The following VPS8 variants were observed in gnomAD, a reference collection of about 807,000 sequenced individuals.
The protein encoded by VPS8 is VPS8 subunit of CORVET complex, also known as vacuolar protein sorting-associated protein 8 homolog.
A neutral mutation model predicts 216.4 loss-of-function variants in VPS8; 129 were observed. That is an observed-to-expected ratio of 0.60 (90% CI 0.52 to 0.69). The LOEUF is 0.69. VPS8 is among the 30% of genes least tolerant of loss of function. The probability of loss-of-function intolerance (pLI) is 0.00; values close to 1 mark genes in which losing one functional copy is unlikely to be tolerated. For synonymous variants in VPS8, 571 were observed against 565.4 expected, an observed-to-expected ratio of 1.01 and a Z score of -0.14; for missense variants, 1,531 against 1,683.5, an observed-to-expected ratio of 0.91 and a Z score of 1.59.
chr3:184,903,634 G>A (rs1734976303), intron 25 of VPS8, among the ~76,000 whole-genome samples: 1 of 151,760 alleles, frequency 6.6e-6, no homozygotes. Flanking sequence ...AAATTCTCAA[G>A]ACAGGGTCTT....
chr3:184,965,618 C>G (rs992065893), intron 38 of VPS8, among the ~76,000 whole-genome samples: 1 of 152,132 alleles, frequency 6.6e-6, no homozygotes, highest in Admixed American at 6.5e-5. Flanking sequence ...GTTGGACACG[C>G]TAAAGAATTG....
At chr3:185,040,931 G>A (rs570543646) in intron 46 of VPS8, among the ~76,000 whole-genome samples, 2 of 152,216 alleles carry the variant, frequency 1.3e-5, no homozygotes, top group Non-Finnish European at 2.9e-5. Context: ...GGCCAGGCGC[G>A]GTGGCTCATG....
chr3:184,821,965 A>G (rs1352547748), intron 1 of VPS8, among the ~76,000 whole-genome samples: 1 of 152,138 alleles, frequency 6.6e-6, no homozygotes, highest in Non-Finnish European at 1.5e-5. Flanking sequence ...AGCCTCTACG[A>G]GAACACATGG....
intron 36 of VPS8, among the ~76,000 whole-genome samples, chr3:184,948,986 C>G (rs1405628118): frequency 1.3e-5 from 2 of 152,060 alleles, no homozygotes; most frequent in Non-Finnish European, 2.9e-5. Context: ...TCATGACTAT[C>G]AGAGAAATAA....
At chr3:184,875,225 G>A (rs1406715972) in intron 21 of VPS8, among the ~76,000 whole-genome samples, 2 of 151,952 alleles carry the variant, frequency 1.3e-5, no homozygotes, top group African/African-American at 4.8e-5. Flanking sequence ...TTACCAGCAG[G>A]TGGCACCTCC....
At position 184,869,134 on chromosome 3, in the gene VPS8, G is replaced by A. The variant is rs1033869780; in HGVS notation, c.1597+98G>A. On this transcript the variant is annotated intron_variant, in intron 19 of 47. Coordinates refer to ENST00000625842, the MANE Select transcript of VPS8 (RefSeq NM_001009921.3). ...CATAGGACACTTTTAGCTGAGTGTC[G>A]AAGTGTTTATAAACAGGATGCTAAT... 12 of 1,138,134 alleles carry A rather than the reference G, an allele frequency of 1.1e-5. 1 individual carries two copies. The South Asian group carries it at 1.4e-4, about 14-fold the overall frequency. 70.5% of individuals were successfully genotyped at this position (1,138,134 alleles called of 1,614,324 possible).
rs145301239 is a variant in VPS8, at chr3:184,920,691, T to A, written c.2454+493T>A. Reference sequence around the variant, plus strand: ...ATTCAGGAGAAAGCTGTCTTGAGATTGATGCTGTTGCTAATGAAGAATGCA... The same window carrying A: ...ATTCAGGAGAAAGCTGTCTTGAGATAGATGCTGTTGCTAATGAAGAATGCA... On this transcript the variant is annotated intron_variant, in intron 29 of 47. Transcript: ENST00000625842. Among the ~76,000 whole-genome samples the A allele has an allele frequency of 4.0e-3, 609 of 152,336 alleles. 2 individuals are homozygous for A. Among genetic ancestry groups the A allele is most frequent in the Non-Finnish European group, 5.1e-3 (349 of 68,022 alleles).
chr3:184,994,105 G>GA (rs1277397493), intron 43 of VPS8, 42 bp downstream of exon 43: 4 of 1,375,620 alleles, frequency 2.9e-6, no homozygotes, highest in Non-Finnish European at 2.9e-6. Context: ...TCCTAAGGTA[G>GA]AAAAATGCTA....
intron 25 of VPS8, among the ~76,000 whole-genome samples, chr3:184,904,985 C>G (rs758742593): frequency 6.6e-6 from 1 of 152,168 alleles, no homozygotes; most frequent in African/African-American, 2.4e-5. Context: ...GTGCTGGCAC[C>G]TAGTGTCTCA....
rs1004086320 is a variant in VPS8, at chr3:184,876,051, A to G, written c.1734+5246A>G. ...TCCTTCTCATCCCTTAACCTATTCC[A>G]TGTCTATAAATTCTGTGGACCCTTT... On this transcript the variant is annotated intron_variant, in intron 21 of 47. Transcript: ENST00000625842. Among the ~76,000 whole-genome samples, 8 of 150,496 alleles carry G rather than the reference A, an allele frequency of 5.3e-5. No homozygotes were observed. The East Asian group carries it at 1.2e-3, about 22-fold the overall frequency.
At chr3:185,005,342 G>A (rs988845129) in intron 45 of VPS8, among the ~76,000 whole-genome samples, 2 of 152,154 alleles carry the variant, frequency 1.3e-5, no homozygotes, top group African/African-American at 4.8e-5. Flanking sequence ...GCTTAGTATT[G>A]CTTTGGCTAT....
rs990469561 is a variant in VPS8, at chr3:184,971,064, A to G, written c.3317-585A>G. ...GAGGAGCAGATTTGAAATGAGAAAAATAAGTTGGGTTTTGCACATATAAAG... is the reference window on the plus strand; with the variant it reads ...GAGGAGCAGATTTGAAATGAGAAAAGTAAGTTGGGTTTTGCACATATAAAG... On this transcript the variant is annotated intron_variant, in intron 39 of 47. Transcript: ENST00000625842. Among the ~76,000 whole-genome samples the G allele has an allele frequency of 3.9e-5, 6 of 152,226 alleles. No individual in the cohort carries two copies. The East Asian group carries it at 7.7e-4, about 20-fold the overall frequency.
chr3:185,046,818 G>T (rs1713022971), intron 46 of VPS8, among the ~76,000 whole-genome samples: 1 of 152,218 alleles, frequency 6.6e-6, no homozygotes. Context: ...TCCAGATTGA[G>T]CCCAAGTGTG....
chr3:184,943,491 G>A lies in VPS8; in HGVS notation c.3035+3248G>A, dbSNP rs183204486. 7.2e-4 allele frequency among the ~76,000 whole-genome samples: 110 copies of A among 152,222 alleles called. 2 individuals carry two copies. Among genetic ancestry groups the A allele is most frequent in the African/African-American group, 2.5e-3 (105 of 41,524 alleles). ...GGAAAACTGAGGGAGTACAGAATACGGATATAGGGTCAAAACAACATCAAG... is the reference window on the plus strand; with the variant it reads ...GGAAAACTGAGGGAGTACAGAATACAGATATAGGGTCAAAACAACATCAAG... On this transcript the variant is annotated intron_variant, in intron 36 of 47. Transcript: ENST00000625842.
chr3:184,847,806 C>T (rs1203893999), intron 8 of VPS8, among the ~76,000 whole-genome samples: 2 of 152,124 alleles, frequency 1.3e-5, no homozygotes, highest in African/African-American at 4.8e-5. Flanking sequence ...ATTTGAGTGC[C>T]TCCTGGAGAA....
intron 42 of VPS8, among the ~76,000 whole-genome samples, chr3:184,984,730 A>G (rs1332950616): frequency 6.6e-6 from 1 of 152,224 alleles, no homozygotes; most frequent in Non-Finnish European, 1.5e-5. Flanking sequence ...ATAAAGTAAT[A>G]TCTCCATAAG....
chr3:184,896,940 A>C (rs535850185), intron 23 of VPS8, among the ~76,000 whole-genome samples: 1 of 152,320 alleles, frequency 6.6e-6, no homozygotes, highest in South Asian at 2.1e-4. Flanking sequence ...GGAATCAGTA[A>C]TGCAAAGATC....
intron 4 of VPS8, 127 bp downstream of exon 4, chr3:184,832,946 A>G: frequency 4.2e-6 from 5 of 1,196,084 alleles, no homozygotes; most frequent in Non-Finnish European, 5.7e-6. Context: ...AAGGGATATA[A>G]TATCTTGAAA....
chr3:184,872,231 G>GA (rs1300755284), intron 21 of VPS8, among the ~76,000 whole-genome samples: 2 of 151,866 alleles, frequency 1.3e-5, no homozygotes, highest in African/African-American at 4.8e-5. Context: ...ATACTTTGTT[G>GA]AAAAAAATCA....
Sources: gnomAD v4.1 joint callset for allele counts (sites outside exome capture counted in the v4.1 genomes callset) on GRCh38, gnomAD v4.1.1 for gene constraint, MANE v1.5 for transcripts, NCBI Gene and HGNC (gene_info 2026-07-23, HGNC 2026-07-21) for gene names.